SYNCRIP: variants seen among roughly 807,000 people sequenced by gnomAD.
SYNCRIP encodes synaptotagmin binding cytoplasmic RNA interacting protein.
A neutral mutation model predicts 68.9 loss-of-function variants in SYNCRIP; 9 were observed. The observed-to-expected ratio is 0.13, with a 90% CI of 0.08 to 0.23. The LOEUF is 0.23. SYNCRIP is among the 10% of genes least tolerant of loss of function. SYNCRIP has a pLI of 1.00. For synonymous variants in SYNCRIP, 258 were observed against 254.0 expected, an observed-to-expected ratio of 1.02 and a Z score of -0.15; for missense variants, 414 against 770.6, an observed-to-expected ratio of 0.54 and a Z score of 5.48.
At chr6:85,624,228 A>AG in intron 6 of SYNCRIP, 116 bp from the exon 7 acceptor site, 1 of 948,904 alleles carries the variant, frequency 1.1e-6, no homozygotes, top group East Asian at 2.5e-5. Flanking sequence ...CTTAATTCCC[A>AG]TACAAGGGAA....
upstream of SYNCRIP, chr6:85,643,352 G>C (rs988521189): frequency 1.3e-5 from 2 of 152,510 alleles, no homozygotes; most frequent in African/African-American, 2.4e-5. Flanking sequence ...CTACGCCTCG[G>C]GACGCGCGCC....
chr6:85,630,876 T>C (rs1011209309), intron 6 of SYNCRIP, among the ~76,000 whole-genome samples: 8 of 152,170 alleles, frequency 5.3e-5, no homozygotes, highest in African/African-American at 1.9e-4. Context: ...AAAAAATAAT[T>C]ACAAGCTCAT....
intron 6 of SYNCRIP, among the ~76,000 whole-genome samples, chr6:85,625,981 T>C (rs2128289150): frequency 6.6e-6 from 1 of 152,240 alleles, no homozygotes; most frequent in Non-Finnish European, 1.5e-5. Flanking sequence ...CTGATACACA[T>C]CTAACAATTC....
In SYNCRIP at chr6:85,622,579, C is replaced by T; in HGVS notation, c.911G>A (p.Arg304His). 1.9e-6 allele frequency: 3 copies of T among 1,614,184 alleles called. No individual in the cohort carries two copies. Among genetic ancestry groups the T allele is most frequent in the Non-Finnish European group, 2.5e-6 (3 of 1,180,028 alleles). The change falls in exon 8 of 11, where the codon CGT becomes CAT. Residue 304 changes from arginine to histidine, a missense_variant. Transcript: ENST00000369622. ...CTTGACTTTACCACTCATTAACCTACGCCTTGCCTGGGCAGCTGTTTTGTG... is the reference window on the plus strand; with the variant it reads ...CTTGACTTTACCACTCATTAACCTATGCCTTGCCTGGGCAGCTGTTTTGTG... Reference protein sequence around the residue: ...EDHKTAAQARRRLMSGKVKVW... With the variant: ...EDHKTAAQARHRLMSGKVKVW...
At chr6:85,634,276 C>T (rs995016498) in intron 6 of SYNCRIP, among the ~76,000 whole-genome samples, 3 of 152,174 alleles carry the variant, frequency 2.0e-5, no homozygotes, top group African/African-American at 7.2e-5. Context: ...AACCATCTTC[C>T]TCTAATGATG....
chr6:85,635,126 A>AC (rs1203929777), intron 6 of SYNCRIP, among the ~76,000 whole-genome samples: 2 of 152,006 alleles, frequency 1.3e-5, no homozygotes, highest in East Asian at 3.9e-4. Flanking sequence ...GATCATGCCC[A>AC]CACACTCCAG....
At chr6:85,627,226 C>T (rs1198394767) in intron 6 of SYNCRIP, among the ~76,000 whole-genome samples, 1 of 150,180 alleles carries the variant, frequency 6.7e-6, no homozygotes, top group African/African-American at 2.5e-5. Context: ...CCAGATCGCG[C>T]CACTGCACTC....
At chr6:85,638,327 G>A (rs1808707749) in intron 4 of SYNCRIP, among the ~76,000 whole-genome samples, 1 of 137,014 alleles carries the variant, frequency 7.3e-6, no homozygotes, top group East Asian at 2.2e-4. Context: ...GTTGCAGTGA[G>A]CGGAGATCGC....
At position 85,614,264 on chromosome 6, in the gene SYNCRIP, CA is replaced by C. The variant is rs1486769920; in HGVS notation, c.*491del. ...GAAATAAACAACAGCATAAAGAATACAAGTAGCCAAAATGGTTTTGAAAACC... is the reference window on the plus strand; with the variant it reads ...GAAATAAACAACAGCATAAAGAATACAGTAGCCAAAATGGTTTTGAAAACC... On this transcript the variant is annotated 3_prime_UTR_variant, in exon 11 of 11. Transcript: ENST00000369622. 1 of 985,332 alleles carries C rather than the reference CA, an allele frequency of 1.0e-6. No individual in the cohort carries two copies. Among genetic ancestry groups the C allele is most frequent in the African/African-American group, 1.7e-5 (1 of 57,194 alleles). The allele number at this position is 985,332 out of a possible 1,614,324, so 61.0% of individuals were successfully genotyped here. A position where few individuals can be genotyped will look rare whatever the true frequency, so the allele number is the denominator to read the frequency against.
intron 6 of SYNCRIP, among the ~76,000 whole-genome samples, chr6:85,630,926 T>A (rs967555069): frequency 6.6e-6 from 1 of 152,204 alleles, no homozygotes; most frequent in Admixed American, 6.5e-5. Context: ...AATACTGTCA[T>A]GGGGGCAACT....
intron 2 of SYNCRIP, among the ~76,000 whole-genome samples, chr6:85,641,070 T>TCAGGCCAGCATG (rs1473201456): frequency 6.6e-6 from 1 of 152,188 alleles, no homozygotes; most frequent in African/African-American, 2.4e-5. Context: ...TACTTATCCA[T>TCAGGCCAGCATG]CAGGCCAGCA....
chr6:85,608,025 G>C (rs561621654), downstream of SYNCRIP: 1 of 152,052 alleles, frequency 6.6e-6, no homozygotes, highest in Non-Finnish European at 1.5e-5. Context: ...ATATTGGCAA[G>C]TCCCCGATTC....
At chr6:85,612,739 C>T (rs1219122782), downstream of SYNCRIP, 3 of 766,184 alleles carry the variant, frequency 3.9e-6, no homozygotes, top group East Asian at 3.1e-5. Context: ...TTCAATGTCC[C>T]GTATTTGATT....
chr6:85,624,130 G>C lies in SYNCRIP; in HGVS notation c.667-18C>G. 1 of 1,605,608 alleles carries C rather than the reference G, an allele frequency of 6.2e-7. No homozygotes were observed. The highest frequency in any genetic ancestry group is 8.5e-7 in the Non-Finnish European group (1 of 1,175,812). On this transcript the variant is annotated intron_variant, in intron 6 of 10. Transcript: ENST00000369622. ...TTATTATACTGAAAGGGGAAAAAGT[G>C]CATCATGTTTTTAAATTACTTATAC...
chr6:85,613,865 A>C, downstream of SYNCRIP: 1 of 628,412 alleles, frequency 1.6e-6, no homozygotes, highest in Non-Finnish European at 2.0e-6. Context: ...TAGGCAACTG[A>C]AAGTGGACTT....
Sources: allele counts gnomAD v4.1 joint callset (sites outside exome capture counted in the v4.1 genomes callset), GRCh38; gene constraint gnomAD v4.1.1; transcripts MANE v1.5; gene names NCBI Gene and HGNC (gene_info 2026-07-23, HGNC 2026-07-21).